The following CHST11 variants were observed in gnomAD, a reference collection of about 807,000 sequenced individuals.
CHST11 encodes the protein C4S-1.
A neutral mutation model predicts 30.4 loss-of-function variants in CHST11; 9 were observed. That is an observed-to-expected ratio of 0.30 (90% CI 0.18 to 0.52). The LOEUF is 0.52. Ranked by LOEUF, CHST11 falls within the 20% of genes least tolerant of loss-of-function variation. The probability of loss-of-function intolerance (pLI) is 0.97; values close to 1 mark genes in which losing one functional copy is unlikely to be tolerated. For synonymous variants in CHST11, 152 were observed against 187.8 expected, an observed-to-expected ratio of 0.81 and a Z score of 1.56; for missense variants, 348 against 460.6, an observed-to-expected ratio of 0.76 and a Z score of 2.24.
chr12:104,597,852 T>C (rs955778441), intron 1 of CHST11, among the ~76,000 whole-genome samples: 3 of 152,184 alleles, frequency 2.0e-5, no homozygotes, highest in African/African-American at 7.2e-5. Flanking sequence ...TAGGGAGATG[T>C]TTGACTTACC....
At chr12:104,664,517 C>T (rs2039625450) in intron 2 of CHST11, among the ~76,000 whole-genome samples, 1 of 152,158 alleles carries the variant, frequency 6.6e-6, no homozygotes, top group Non-Finnish European at 1.5e-5. Context: ...AGCATACATC[C>T]TCACTGGATG....
In CHST11 at chr12:104,702,373, A is replaced by C. The variant is rs572835608; in HGVS notation, c.205-54576A>C. Among the ~76,000 whole-genome samples, 84 of 152,344 alleles carry C rather than the reference A, an allele frequency of 5.5e-4. 1 individual carries two copies. The South Asian group carries it at 0.013, about 24-fold the overall frequency. On this transcript the variant is annotated intron_variant, in intron 2 of 2. Coordinates refer to ENST00000303694, the MANE Select transcript of CHST11 (RefSeq NM_018413.6). ...TGCACAGCAGCTCTAATTTGTAGAT[A>C]TGGAAACTGAGGCATAGGGAGGTTA...
intron 1 of CHST11, among the ~76,000 whole-genome samples, chr12:104,580,148 T>C (rs1341127232): frequency 6.6e-6 from 1 of 152,206 alleles, no homozygotes; most frequent in African/African-American, 2.4e-5. Context: ...CAGACATCAT[T>C]TGTGACTTTC....
At position 104,621,893 on chromosome 12, in the gene CHST11, G is replaced by A. The variant is rs75006845; in HGVS notation, c.204+19902G>A. On this transcript the variant is annotated intron_variant, in intron 2 of 2. Transcript: ENST00000303694. ...ACCAGGGTCCAAAGGAGGCCTGGGA[G>A]AGGCCAGGTCTGTGACATCAGGTAA... is the stretch of plus-strand genomic sequence containing the variant. Among the ~76,000 whole-genome samples, 1,091 of 152,356 alleles carry A rather than the reference G, an allele frequency of 7.2e-3. 52 individuals carry two copies. In the East Asian group the frequency reaches 0.12, roughly 16 times the overall value.
At chr12:104,711,950 C>T (rs960644940) in intron 2 of CHST11, among the ~76,000 whole-genome samples, 2 of 152,024 alleles carry the variant, frequency 1.3e-5, no homozygotes, top group East Asian at 1.9e-4. Flanking sequence ...ATGGGAGGGA[C>T]GGGACAGGCA....
chr12:104,756,604 G>A (rs2136149457), intron 2 of CHST11, among the ~76,000 whole-genome samples: 1 of 151,116 alleles, frequency 6.6e-6, no homozygotes, highest in South Asian at 2.1e-4. Flanking sequence ...CTAGAGCACA[G>A]TGGCACAGTC....
chr12:104,674,905 A>G (rs1177910292), intron 2 of CHST11, among the ~76,000 whole-genome samples: 2 of 152,230 alleles, frequency 1.3e-5, no homozygotes, highest in South Asian at 2.1e-4. Flanking sequence ...TTCAGGGGTT[A>G]ATAACATTTA....
At chr12:104,528,306 A>G (rs1222826843) in intron 1 of CHST11, among the ~76,000 whole-genome samples, 2 of 152,244 alleles carry the variant, frequency 1.3e-5, no homozygotes, top group Non-Finnish European at 2.9e-5. Context: ...GGCATAGCCC[A>G]GCTGTGAGCA....
At chr12:104,469,654 C>T (rs1338571603) in intron 1 of CHST11, among the ~76,000 whole-genome samples, 1 of 152,178 alleles carries the variant, frequency 6.6e-6, no homozygotes, top group Admixed American at 6.5e-5. Context: ...GGGGTCAGTC[C>T]TTCCCACTGC....
At chr12:104,630,911 TC>T (rs2039263930) in intron 2 of CHST11, among the ~76,000 whole-genome samples, 1 of 152,208 alleles carries the variant, frequency 6.6e-6, no homozygotes, top group South Asian at 2.1e-4. Context: ...AAGGCTTTCT[TC>T]TGAAACAGGA....
At chr12:104,655,068 C>G (rs1277759052) in intron 2 of CHST11, among the ~76,000 whole-genome samples, 1 of 152,234 alleles carries the variant, frequency 6.6e-6, no homozygotes, top group Non-Finnish European at 1.5e-5. Flanking sequence ...TCTCTTATCT[C>G]TTCATGGAAT....
intron 1 of CHST11, among the ~76,000 whole-genome samples, chr12:104,520,817 A>G (rs1159305230): frequency 6.6e-6 from 1 of 152,220 alleles, no homozygotes; most frequent in Non-Finnish European, 1.5e-5. Flanking sequence ...GAAGTCAGAC[A>G]GTCTGCAGCC....
At chr12:104,648,325 C>G (rs748121848) in intron 2 of CHST11, among the ~76,000 whole-genome samples, 14 of 152,204 alleles carry the variant, frequency 9.2e-5, no homozygotes, top group South Asian at 2.1e-4. Context: ...ACCAGAGTTT[C>G]AAAGTTACAA....
chr12:104,629,521 A>G (rs1389369181), intron 2 of CHST11, among the ~76,000 whole-genome samples: 3 of 152,226 alleles, frequency 2.0e-5, no homozygotes, highest in South Asian at 2.1e-4. Flanking sequence ...TGAAAATATC[A>G]TAAGTCAAAA....
rs555119536 is a variant in CHST11, at chr12:104,545,663, T to G, written c.119-56243T>G. On this transcript the variant is annotated intron_variant, in intron 1 of 2. Transcript: ENST00000303694. ...CACGTTTCTTATAAACAATAGAAACTTGTTTTTCACAGTCTGGAAGCTGAA... is the reference window on the plus strand; with the variant it reads ...CACGTTTCTTATAAACAATAGAAACGTGTTTTTCACAGTCTGGAAGCTGAA... Among the ~76,000 whole-genome samples the G allele has an allele frequency of 1.1e-4, 16 of 152,338 alleles. No homozygotes were observed. The East Asian group carries it at 2.9e-3, about 28-fold the overall frequency.
At chr12:104,606,950 C>T (rs1592790578) in intron 2 of CHST11, among the ~76,000 whole-genome samples, 1 of 152,194 alleles carries the variant, frequency 6.6e-6, no homozygotes, top group Middle Eastern at 3.4e-3. Flanking sequence ...TGCCTGTAAT[C>T]TCAGCTACTC....
chr12:104,497,468 C>T (rs762374256), intron 1 of CHST11, among the ~76,000 whole-genome samples: 3 of 152,140 alleles, frequency 2.0e-5, no homozygotes, highest in South Asian at 2.1e-4. Flanking sequence ...ACTGTGAGAA[C>T]GTAAAATTCT....
At chr12:104,643,266 T>A (rs1168192607) in intron 2 of CHST11, among the ~76,000 whole-genome samples, 1 of 152,238 alleles carries the variant, frequency 6.6e-6, no homozygotes, top group Non-Finnish European at 1.5e-5. Flanking sequence ...AATTTGAGGC[T>A]GTAGTGAGCT....
chr12:104,557,235 G>A (rs906547648), intron 1 of CHST11, among the ~76,000 whole-genome samples: 1 of 152,184 alleles, frequency 6.6e-6, no homozygotes, highest in Non-Finnish European at 1.5e-5. Context: ...GAGTTGGGCT[G>A]AAGGGAAGTG....
Sources: allele counts gnomAD v4.1 joint callset (sites outside exome capture counted in the v4.1 genomes callset), GRCh38; gene constraint gnomAD v4.1.1; transcripts MANE v1.5; gene names NCBI Gene and HGNC (gene_info 2026-07-23, HGNC 2026-07-21).